NSD3: variants seen among roughly 807,000 people sequenced by gnomAD.
NSD3 encodes histone-lysine N-methyltransferase NSD3.
A neutral mutation model predicts 160.8 loss-of-function variants in NSD3; 24 were observed. The observed-to-expected ratio is 0.15, with a 90% CI of 0.11 to 0.21. The LOEUF is 0.21. NSD3 is among the 10% of genes least tolerant of loss of function. NSD3 has a pLI of 1.00. For missense variants in NSD3, 1,157 were observed against 1,735.9 expected (o/e 0.67, Z 5.93); for synonymous variants, 520 against 600.0 (o/e 0.87, Z 1.95).
chr8:38,381,587 C>T (rs1261171532), intron 1 of NSD3: 1 of 142,318 alleles, frequency 7.0e-6, no homozygotes, highest in African/African-American at 2.7e-5. Context: ...CCACACCCCC[C>T]ACCTTGCCAT....
rs1346185608 is a variant in NSD3, at chr8:38,321,853, A to C, written c.1709-681T>G. Among the ~76,000 whole-genome samples the C allele has an allele frequency of 6.6e-6, 1 of 152,242 alleles. No individual in the cohort carries two copies. The highest frequency in any genetic ancestry group is 1.5e-5 in the Non-Finnish European group (1 of 68,038). ...TTAAATGGTAAAACAAACTATTAAG[A>C]TTTTTAAAGAGTACAATTCTTTAAA... On this transcript the variant is annotated intron_variant, in intron 7 of 23. Coordinates refer to ENST00000317025, the MANE Select transcript of NSD3 (RefSeq NM_023034.2). This position sits in a 1 kb window ranked among gnomAD's most constrained non-coding sequence, Gnocchi z 4.7.
At chr8:38,295,744 A>T (rs1173250742) in intron 16 of NSD3, 52 bp downstream of exon 16, 1 of 1,567,610 alleles carries the variant, frequency 6.4e-7, no homozygotes, top group Admixed American at 1.8e-5. Flanking sequence ...AGAGTATGAA[A>T]CTGGTCTGCA....
chr8:38,366,110 CAAA>C (rs757397268), intron 1 of NSD3, among the ~76,000 whole-genome samples: 2 of 44,326 alleles, frequency 4.5e-5, no homozygotes, highest in African/African-American at 8.1e-5. Flanking sequence ...GACTCTGTCT[CAAA>C]AAAAAAAAAA....
Position 38,299,609 on chromosome 8 carries a change from A to C in NSD3, c.2612-19T>G, listed in dbSNP as rs1220784713. ...ATCAGCCCTATACGAAACAAACAGA[A>C]AGAGATGAGCTGCAATGAAACTACC... On this transcript the variant is annotated intron_variant, in intron 14 of 23. Transcript: ENST00000317025. The C allele has an allele frequency of 1.2e-5, 18 of 1,509,250 alleles. No individual in the cohort carries two copies. The highest frequency in any genetic ancestry group is 1.6e-5 in the Non-Finnish European group (18 of 1,129,022). The allele number at this position is 1,509,250 out of a possible 1,614,324, so 93.5% of individuals were successfully genotyped here. A position where few individuals can be genotyped will look rare whatever the true frequency, so the allele number is the denominator to read the frequency against.
intron 16 of NSD3, among the ~76,000 whole-genome samples, chr8:38,293,507 A>G (rs1178764948): frequency 6.6e-6 from 1 of 151,166 alleles, no homozygotes; most frequent in Non-Finnish European, 1.5e-5. Flanking sequence ...CCAAGATCAC[A>G]CCACTGCACT....
intron 16 of NSD3, among the ~76,000 whole-genome samples, chr8:38,295,046 A>G (rs1386049583): frequency 6.7e-6 from 1 of 150,054 alleles, no homozygotes; most frequent in Non-Finnish European, 1.5e-5. Context: ...CGGGAGGCTG[A>G]GGCAGGAGAA....
intron 15 of NSD3, 97 bp downstream of exon 15, chr8:38,299,347 G>GGA: frequency 1.3e-5 from 17 of 1,311,940 alleles, no homozygotes; most frequent in Non-Finnish European, 1.7e-5. Context: ...AAAAGCAACA[G>GGA]ATGGTGCTTG....
intron 1 of NSD3, among the ~76,000 whole-genome samples, chr8:38,363,198 T>C (rs1370615831): frequency 3.3e-5 from 5 of 152,202 alleles, no homozygotes; most frequent in Non-Finnish European, 7.3e-5. Context: ...AGCTGCTAAA[T>C]GAACATAGGA....
chr8:38,290,750 A>G (rs1808982864), intron 16 of NSD3, 73 bp from the exon 17 acceptor site: 2 of 1,502,924 alleles, frequency 1.3e-6, no homozygotes, highest in East Asian at 2.3e-5. Context: ...AGATTGGCAG[A>G]AGGGAAAAAA....
chr8:38,314,798 T>G, intron 11 of NSD3, 25 bp from the exon 12 acceptor site: 2 of 1,607,954 alleles, frequency 1.2e-6, no homozygotes, highest in Non-Finnish European at 1.7e-6. Context: ...AAAGCAGTGG[T>G]TCTCAAACTT....
rs926362313 is a variant in NSD3 at position 38,273,707 on chromosome 8, T to A, written c.*1934A>T. The A allele has an allele frequency of 2.0e-5, 3 of 152,184 alleles. No individual in the cohort carries two copies. Among genetic ancestry groups the A allele is most frequent in the Non-Finnish European group, 4.4e-5 (3 of 68,022 alleles). The allele number at this position is 152,184 out of a possible 1,614,324, so 9.4% of individuals were successfully genotyped here. On this transcript the variant is annotated 3_prime_UTR_variant, in exon 24 of 24. Transcript: ENST00000317025. The stretch of plus-strand genomic sequence containing the variant: ...CTATATAATTGCTCAAGAGCAAAGT[T>A]TAGTGTTTTGGTGAGCTGTATTTCA...
chr8:38,349,588 A>G (rs775633390), intron 1 of NSD3, among the ~76,000 whole-genome samples: 2 of 150,198 alleles, frequency 1.3e-5, no homozygotes, highest in Non-Finnish European at 3.0e-5. Flanking sequence ...TACTATGTCA[A>G]TGAACTCTCA....
intron 1 of NSD3, among the ~76,000 whole-genome samples, chr8:38,353,027 C>G (rs191370412): frequency 6.6e-6 from 1 of 152,272 alleles, no homozygotes; most frequent in African/African-American, 2.4e-5. Context: ...ATAAGTACTA[C>G]GTTTAATCCT....
intron 6 of NSD3, 35 bp from the exon 7 acceptor site, chr8:38,326,891 A>G (rs1239830822): frequency 6.2e-7 from 1 of 1,610,896 alleles, no homozygotes; most frequent in African/African-American, 1.3e-5. Context: ...ACAACAAAAC[A>G]GGTGATTACC....
At chr8:38,340,563 C>A (rs1034719811) in intron 2 of NSD3, among the ~76,000 whole-genome samples, 1 of 152,150 alleles carries the variant, frequency 6.6e-6, no homozygotes, top group Non-Finnish European at 1.5e-5. Context: ...GTCTTGAACT[C>A]TTAACCTCAG....
intron 19 of NSD3, among the ~76,000 whole-genome samples, chr8:38,283,534 A>C (rs141332940): frequency 5.1e-4 from 77 of 151,868 alleles, no homozygotes; most frequent in African/African-American, 1.8e-3. Flanking sequence ...GAAAATCATT[A>C]GGAACATAAG....
At chr8:38,341,626 G>A (rs898304436) in intron 2 of NSD3, among the ~76,000 whole-genome samples, 3 of 152,042 alleles carry the variant, frequency 2.0e-5, no homozygotes, top group East Asian at 1.9e-4. Flanking sequence ...ATTCCAGGAG[G>A]AAGGAGTAGC....
intron 1 of NSD3, among the ~76,000 whole-genome samples, chr8:38,376,703 C>G (rs1009159051): frequency 6.6e-6 from 1 of 152,170 alleles, no homozygotes; most frequent in African/African-American, 2.4e-5. Flanking sequence ...CCGCAAAGTG[C>G]TGGGGTTACA....
chr8:38,315,089 G>A (rs73674147), intron 11 of NSD3, among the ~76,000 whole-genome samples: 4,886 of 152,206 alleles, frequency 0.032, 260 homozygotes, highest in African/African-American at 0.11. Flanking sequence ...TTTCTTCACA[G>A]GGCAAAGCAG....
Sources: allele counts gnomAD v4.1 joint callset (sites outside exome capture counted in the v4.1 genomes callset), GRCh38; gene constraint gnomAD v4.1.1; non-coding constraint Gnocchi (gnomAD v3.1); transcripts MANE v1.5; gene names NCBI Gene and HGNC (gene_info 2026-07-23, HGNC 2026-07-21).